UNC13A: variants seen among roughly 807,000 people sequenced by gnomAD.
UNC13A encodes the protein protein unc-13 homolog A.
A neutral mutation model predicts 219.7 loss-of-function variants in UNC13A; 61 were observed. The ratio of observed to expected loss-of-function variants is 0.28; its 90% CI spans 0.23 to 0.34. The LOEUF (loss-of-function observed/expected upper bound fraction) is 0.34, where lower values mean the gene tolerates loss of function less well. Among genes scored for constraint, UNC13A ranks in the 10% least tolerant of loss-of-function variants. The probability of loss-of-function intolerance (pLI) is 1.00; values close to 1 mark genes in which losing one functional copy is unlikely to be tolerated. For missense variants in UNC13A, 1,476 were observed against 2,270.3 expected, an observed-to-expected ratio of 0.65 and a Z score of 7.11; for synonymous variants, 920 against 884.6, an observed-to-expected ratio of 1.04 and a Z score of -0.71.
Position 17,648,939 on chromosome 19 carries a change from G to A in UNC13A, c.1569C>T (p.Ala523=). The A allele has an allele frequency of 6.2e-7, 1 of 1,604,942 alleles. No homozygotes were observed. The highest frequency in any genetic ancestry group is 1.7e-5 in the Admixed American group (1 of 58,448). The change falls in exon 15 of 44, where the codon GCC becomes GCT. Residue 523 remains alanine (A), a synonymous_variant. Coordinates refer to ENST00000519716, the MANE Select transcript of UNC13A (RefSeq NM_001080421.3). The part of the protein sequence containing the change: ...SRKAGITSAL[A]SSTLNNEELK... The stretch of plus-strand genomic sequence containing the variant: ...GCTCCTCGTTGTTCAACGTGCTGGA[G>A]GCCAAGGCCGAGGTGATGCCCGCTT...
At chr19:17,616,486 AGG>A (rs2144945453) in intron 41 of UNC13A, 2 of 340,840 alleles carry the variant, frequency 5.9e-6, no homozygotes, top group African/African-American at 3.7e-5. Flanking sequence ...TGGGGGTGGA[AGG>A]GGGAGAGAGG....
At chr19:17,616,375 C>CGCGGGCG (rs1220068214) in intron 41 of UNC13A, 4 of 675,878 alleles carry the variant, frequency 5.9e-6, no homozygotes, top group Non-Finnish European at 8.1e-6. Context: ...GGGCACCAGG[C>CGCGGGCG]GCGGGCGGCG....
chr19:17,656,371 A>G lies in UNC13A; in HGVS notation c.795T>C (p.Ser265=), dbSNP rs1196221121. 2 of 1,550,374 alleles carry G rather than the reference A, an allele frequency of 1.3e-6. No homozygotes were observed. Residue 265 remains serine, a synonymous_variant, in exon 10 of 44, where the codon TCT becomes TCC. Coordinates refer to ENST00000519716, the MANE Select transcript of UNC13A (RefSeq NM_001080421.3). ...LSPTGSSRYA[S]SGELSQGSSQ... ...AGCTTCCCTGGCTCAGCTCCCCGGA[A>G]GAGGCATAGCGGCTGCTACCCGTGG... is the stretch of plus-strand genomic sequence containing the variant.
rs2144953356 is a variant in UNC13A at position 17,618,292 on chromosome 19, C to G, written c.4410+129G>C. The stretch of plus-strand genomic sequence containing the variant: ...TTAGCCAGCCCAGCTCTGGCACAGA[C>G]AGGGGAACGAGGGAGTGTCCATAAA... On this transcript the variant is annotated intron_variant, in intron 40 of 43. Coordinates refer to ENST00000519716, the MANE Select transcript of UNC13A (RefSeq NM_001080421.3). The G allele has an allele frequency of 5.9e-6, 6 of 1,024,460 alleles. No homozygotes were observed. In the East Asian group the frequency reaches 1.3e-4, roughly 22 times the overall value. 63.5% of individuals were successfully genotyped at this position (1,024,460 alleles called of 1,614,324 possible).
chr19:17,670,090 G>A (rs77292642), intron 4 of UNC13A, among the ~76,000 whole-genome samples: 4,597 of 151,582 alleles, frequency 0.03, 84 homozygotes, highest in Non-Finnish European at 0.045. Context: ...GGGACTACAG[G>A]CACCCGCCAC....
intron 25 of UNC13A, among the ~76,000 whole-genome samples, chr19:17,638,670 A>G (rs557489954): frequency 2.6e-5 from 4 of 152,140 alleles, no homozygotes; most frequent in African/African-American, 9.6e-5. Context: ...TTTACTAAAA[A>G]TACAAAAAAT....
Position 17,606,315 on chromosome 19 carries a change from C to T in UNC13A, c.4851G>A (p.Leu1617=). ...AGCAGTAGTCCTTGACGCACACCTG[C>T]AGCTCATAGCACTCGGGACCCGCGT... ...SADAGPECYE[L]QVCVKDYCFA... Residue 1617 remains leucine (L), a synonymous_variant, in exon 44 of 44, where the codon CTG becomes CTA. Transcript: ENST00000519716. 6.5e-7 allele frequency: 1 copy of T among 1,549,152 alleles called. No homozygotes were observed. Among genetic ancestry groups the T allele is most frequent in the Non-Finnish European group, 8.7e-7 (1 of 1,147,734 alleles).
Position 17,616,267 on chromosome 19 carries a change from G to A in UNC13A, c.4558+1435C>T, listed in dbSNP as rs930884544. On this transcript the variant is annotated intron_variant, in intron 41 of 43. Coordinates refer to ENST00000519716, the MANE Select transcript of UNC13A (RefSeq NM_001080421.3). ...TCGTCCTTCCCCCTCACCCGCCTGG[G>A]CCCTCCAAGCCGCTCAGGCCTGGGC... 3.0e-5 allele frequency: 15 copies of A among 501,750 alleles called. No individual in the cohort carries two copies. The East Asian group carries it at 4.8e-4, about 16-fold the overall frequency. The allele number at this position is 501,750 out of a possible 1,614,324, so 31.1% of individuals were successfully genotyped here. A position where few individuals can be genotyped will look rare whatever the true frequency, so the allele number is the denominator to read the frequency against.
rs545818441 is a variant in UNC13A, at chr19:17,651,831, G to A, written c.1439+800C>T. Among the ~76,000 whole-genome samples, 21 of 152,226 alleles carry A rather than the reference G, an allele frequency of 1.4e-4. No homozygotes were observed. The South Asian group carries it at 3.5e-3, about 26-fold the overall frequency. On this transcript the variant is annotated intron_variant, in intron 12 of 43. Transcript: ENST00000519716. ...GTCTCCCTGCCTGTTTGCCAAGGACGTACAAGGAAGGTCACTATCGTGCTG... is the reference window on the plus strand; with the variant it reads ...GTCTCCCTGCCTGTTTGCCAAGGACATACAAGGAAGGTCACTATCGTGCTG...
chr19:17,641,685 T>TTTTTTTTTTTTTTTTTTTTTG, intron 20 of UNC13A, 129 bp from the exon 21 acceptor site: 7 of 981,180 alleles, frequency 7.1e-6, no homozygotes, highest in Non-Finnish European at 3.0e-6. Flanking sequence ...TCTACTCTTT[T>TTTTTTTTTTTTTTTTTTTTTG]ATCCATCCAC....
At chr19:17,626,503 C>G in intron 34 of UNC13A, 130 bp downstream of exon 34, 1 of 1,008,768 alleles carries the variant, frequency 9.9e-7, no homozygotes. Flanking sequence ...CCACCATCTA[C>G]TCAGCCATCC....
intron 26 of UNC13A, among the ~76,000 whole-genome samples, chr19:17,633,466 C>T (rs544287423): frequency 3.3e-5 from 5 of 152,232 alleles, no homozygotes; most frequent in African/African-American, 1.2e-4. Flanking sequence ...ATTCCTCCAT[C>T]CATTCATCCA....
Position 17,618,438 on chromosome 19 carries a change from C to T in UNC13A, c.4393G>A (p.Ala1465Thr). 6.3e-7 allele frequency: 1 copy of T among 1,584,672 alleles called. No homozygotes were observed. The highest frequency in any genetic ancestry group is 8.6e-7 in the Non-Finnish European group (1 of 1,165,236). ...TPKQCAVVEL[A>T]LDTIKQYFHA... Reference sequence around the variant, plus strand: ...CCTCTCACCTTGATGGTGTCCAGGGCCAACTCAACAACCGCGCACTGCTTT... The same window carrying T: ...CCTCTCACCTTGATGGTGTCCAGGGTCAACTCAACAACCGCGCACTGCTTT... The change falls in exon 40 of 44, where the codon GCC becomes ACC. Residue 1465 changes from alanine (A) to threonine (T), a missense_variant. Ala to Thr is a moderately conservative substitution (Grantham distance 58). Transcript: ENST00000519716.
At chr19:17,680,284 C>G (rs986061613) in intron 1 of UNC13A, among the ~76,000 whole-genome samples, 3 of 152,348 alleles carry the variant, frequency 2.0e-5, no homozygotes, top group Middle Eastern at 3.4e-3. Flanking sequence ...ATCCCGCCAC[C>G]TCCCCGCCTG....
At position 17,621,314 on chromosome 19, in the gene UNC13A, C is replaced by G. The variant is rs1393777148; in HGVS notation, c.4242+518G>C. Among the ~76,000 whole-genome samples, 4 of 152,210 alleles carry G rather than the reference C, an allele frequency of 2.6e-5. No homozygotes were observed. In the South Asian group the frequency reaches 6.2e-4, roughly 24 times the overall value. On this transcript the variant is annotated intron_variant, in intron 37 of 43. Transcript: ENST00000519716. Reference sequence around the variant, plus strand: ...AGGGCTGGCAGAGAGAGTACGGAACCCCTGTGACCCACATTCACAAAGCTA... The same window carrying G: ...AGGGCTGGCAGAGAGAGTACGGAACGCCTGTGACCCACATTCACAAAGCTA...
At chr19:17,623,726 A>G (rs933814213) in intron 35 of UNC13A, among the ~76,000 whole-genome samples, 179 bp from the exon 36 acceptor site, 4 of 151,812 alleles carry the variant, frequency 2.6e-5, no homozygotes, top group African/African-American at 9.7e-5. Flanking sequence ...ATCGTCGCCC[A>G]TCTATGGCCC....
chr19:17,668,226 C>T (rs1568269018), intron 5 of UNC13A, 36 bp from the exon 6 acceptor site: 4 of 1,592,664 alleles, frequency 2.5e-6, no homozygotes, highest in Non-Finnish European at 3.4e-6. Flanking sequence ...CCTGGAAGAC[C>T]CTCCCTGCCG....
chr19:17,681,069 CTTTTTTTTTT>C (rs71929988), intron 1 of UNC13A, among the ~76,000 whole-genome samples: 3 of 96,080 alleles, frequency 3.1e-5, no homozygotes, highest in South Asian at 3.3e-4. Context: ...TTGGCTATTC[CTTTTTTTTTT>C]TTTTTTTTTT....
intron 22 of UNC13A, 116 bp downstream of exon 22, chr19:17,640,395 T>G (rs1040112657): frequency 7.5e-7 from 1 of 1,324,810 alleles, no homozygotes; most frequent in African/African-American, 1.5e-5. Flanking sequence ...GGGAAGTGAC[T>G]GGTGGAAAGT....
Sources: gnomAD v4.1 joint callset for allele counts (sites outside exome capture counted in the v4.1 genomes callset) on GRCh38, gnomAD v4.1.1 for gene constraint, MANE v1.5 for transcripts, NCBI Gene and HGNC (gene_info 2026-07-23, HGNC 2026-07-21) for gene names.